COL19A1: variants seen among roughly 807,000 people sequenced by gnomAD.
The protein encoded by COL19A1 is collagen alpha-1(XIX) chain.
COL19A1 carries 159 observed loss-of-function variants against 190.2 expected under a neutral mutation model. The observed-to-expected ratio is 0.84, with a 90% CI of 0.73 to 0.95. The LOEUF (loss-of-function observed/expected upper bound fraction) is 0.95. COL19A1 is among the 40% of genes least tolerant of loss of function. The pLI is 0.00. For synonymous variants in COL19A1, 509 were observed against 458.9 expected (o/e 1.11, Z -1.39); for missense variants, 1,418 against 1,431.9 (o/e 0.99, Z 0.16).
chr6:70,090,517 C>T (rs1164212367), intron 15 of COL19A1, among the ~76,000 whole-genome samples: 1 of 152,036 alleles, frequency 6.6e-6, no homozygotes, highest in African/African-American at 2.4e-5. Flanking sequence ...TGGTATTGGA[C>T]AGTGGGGATC....
Position 69,877,965 on chromosome 6 carries a change from C to T in COL19A1, c.-32-1571C>T, listed in dbSNP as rs1344843834. Among the ~76,000 whole-genome samples the T allele has an allele frequency of 5.9e-5, 9 of 151,936 alleles. No homozygotes were observed. In the South Asian group the frequency reaches 6.2e-4, roughly 11 times the overall value. ...AGTGGAGGTTGCAGTGAGCCGAGAT[C>T]GCGCCACTGCACTCTAGCCTGGGCT... On this transcript the variant is annotated intron_variant, in intron 1 of 50. Coordinates refer to ENST00000620364, the MANE Select transcript of COL19A1 (RefSeq NM_001858.6).
At chr6:69,981,296 T>C (rs1468528813) in intron 11 of COL19A1, among the ~76,000 whole-genome samples, 3 of 152,172 alleles carry the variant, frequency 2.0e-5, no homozygotes, top group Non-Finnish European at 1.5e-5. Flanking sequence ...TTATGGAACA[T>C]CTATATCATA....
chr6:69,939,001 C>T (rs188674947), intron 9 of COL19A1, among the ~76,000 whole-genome samples: 55 of 152,214 alleles, frequency 3.6e-4, no homozygotes, highest in Admixed American at 3.0e-3. Flanking sequence ...TTGCTCCCCC[C>T]GCTTTAAAAA....
chr6:70,053,000 A>G (rs1780291455), intron 14 of COL19A1, among the ~76,000 whole-genome samples: 1 of 152,224 alleles, frequency 6.6e-6, no homozygotes, highest in Non-Finnish European at 1.5e-5. Flanking sequence ...ACTAGCAGGT[A>G]TGCAATACAT....
At chr6:69,959,960 A>G (rs201581917) in intron 9 of COL19A1, 36 bp from the exon 10 acceptor site, 2 of 1,597,334 alleles carry the variant, frequency 1.3e-6, no homozygotes, top group South Asian at 1.1e-5. Context: ...ATATATCTTT[A>G]TGGATCATAA....
intron 31 of COL19A1, among the ~76,000 whole-genome samples, chr6:70,153,246 T>A (rs1787188398): frequency 6.6e-6 from 1 of 152,266 alleles, no homozygotes; most frequent in African/African-American, 2.4e-5. Flanking sequence ...GTTAACACTA[T>A]CTCTCTCTGC....
intron 11 of COL19A1, among the ~76,000 whole-genome samples, chr6:69,998,443 G>A (rs377482178): frequency 1.3e-5 from 2 of 151,676 alleles, no homozygotes; most frequent in Admixed American, 6.6e-5. Flanking sequence ...TCAGGAGTTC[G>A]AGACCAGCCT....
At chr6:69,887,620 C>T (rs1410526042) in intron 2 of COL19A1, among the ~76,000 whole-genome samples, 4 of 152,148 alleles carry the variant, frequency 2.6e-5, no homozygotes, top group East Asian at 1.9e-4. Context: ...TCTAGAATTT[C>T]GTATAAATGG....
At chr6:70,079,795 G>A (rs1445867702) in intron 15 of COL19A1, among the ~76,000 whole-genome samples, 3 of 152,170 alleles carry the variant, frequency 2.0e-5, no homozygotes, top group Admixed American at 1.3e-4. Context: ...AAAAGCTGAG[G>A]TGTAAAGAGA....
rs73480059 is a variant in COL19A1 at position 69,918,289 on chromosome 6, G to C, written c.267-9620G>C. Among the ~76,000 whole-genome samples, 1,254 of 152,284 alleles carry C rather than the reference G, an allele frequency of 8.2e-3. 18 individuals are homozygous for C. The highest frequency in any genetic ancestry group is 0.026 in the African/African-American group (1,079 of 41,566). On this transcript the variant is annotated intron_variant, in intron 4 of 50. Coordinates refer to ENST00000620364, the MANE Select transcript of COL19A1 (RefSeq NM_001858.6). ...GACTGTAAGGAAAGGCAAAGAAGGA[G>C]GACAATCAGGACACTATAACAGGAG... is the stretch of plus-strand genomic sequence containing the variant.
At chr6:70,041,925 G>A (rs542546233) in intron 14 of COL19A1, among the ~76,000 whole-genome samples, 5 of 151,934 alleles carry the variant, frequency 3.3e-5, no homozygotes, top group Non-Finnish European at 7.4e-5. Context: ...AAAAATAGCC[G>A]GATTTGGTGA....
At chr6:69,920,347 G>T (rs531423163) in intron 4 of COL19A1, among the ~76,000 whole-genome samples, 1 of 152,256 alleles carries the variant, frequency 6.6e-6, no homozygotes, top group Admixed American at 6.5e-5. Context: ...TCCATTTTAT[G>T]ATTAAACAGG....
At position 70,206,895 on chromosome 6, in the gene COL19A1, A is replaced by T. The variant is rs912655252; in HGVS notation, c.3224-6A>T. 2.5e-6 allele frequency: 4 copies of T among 1,611,820 alleles called. No homozygotes were observed. Among genetic ancestry groups the T allele is most frequent in the Non-Finnish European group, 2.5e-6 (3 of 1,179,196 alleles). ...TGTGTCTCTTTTTTATATATTTCTCACTTAGGCTACAGAGGACAGAAGGGA... is the reference window on the plus strand; with the variant it reads ...TGTGTCTCTTTTTTATATATTTCTCTCTTAGGCTACAGAGGACAGAAGGGA... On this transcript the variant is annotated splice_region_variant and splice_polypyrimidine_tract_variant and intron_variant, in intron 49 of 50. Coordinates refer to ENST00000620364, the MANE Select transcript of COL19A1 (RefSeq NM_001858.6).
At position 69,980,202 on chromosome 6, in the gene COL19A1, A is replaced by G. The variant is rs903967377; in HGVS notation, c.1026+17332A>G. Among the ~76,000 whole-genome samples, 12 of 152,208 alleles carry G rather than the reference A, an allele frequency of 7.9e-5. 1 individual carries two copies. The highest frequency in any genetic ancestry group is 2.6e-4 in the African/African-American group (11 of 41,570). ...CATTCTATAATGTCATAGTAACAAAATAAATATTGCATCATGTAGAATAAA... is the reference window on the plus strand; with the variant it reads ...CATTCTATAATGTCATAGTAACAAAGTAAATATTGCATCATGTAGAATAAA... On this transcript the variant is annotated intron_variant, in intron 11 of 50. Transcript: ENST00000620364.
intron 15 of COL19A1, among the ~76,000 whole-genome samples, chr6:70,088,546 T>C (rs756964467): frequency 2.6e-5 from 4 of 152,150 alleles, no homozygotes; most frequent in African/African-American, 9.7e-5. Flanking sequence ...TATGCCAAAA[T>C]AGAAATATTG....
At chr6:69,899,480 A>G (rs931128275) in intron 3 of COL19A1, among the ~76,000 whole-genome samples, 1 of 152,156 alleles carries the variant, frequency 6.6e-6, no homozygotes, top group African/African-American at 2.4e-5. Context: ...GATGATGTAG[A>G]AAAAATTCCG....
At chr6:69,978,347 A>G (rs2150062553) in intron 11 of COL19A1, among the ~76,000 whole-genome samples, 1 of 152,274 alleles carries the variant, frequency 6.6e-6, no homozygotes, top group Non-Finnish European at 1.5e-5. Context: ...TTATACGTTC[A>G]TGGAACAGTT....
At chr6:70,080,354 A>T (rs1782174011) in intron 15 of COL19A1, among the ~76,000 whole-genome samples, 2 of 152,212 alleles carry the variant, frequency 1.3e-5, no homozygotes, top group South Asian at 4.1e-4. Flanking sequence ...AGGCCTTGGG[A>T]TAAGAAAAAG....
chr6:69,985,739 T>C (rs1360638938), intron 11 of COL19A1, among the ~76,000 whole-genome samples: 1 of 152,106 alleles, frequency 6.6e-6, no homozygotes, highest in Non-Finnish European at 1.5e-5. Flanking sequence ...CTCCTGAGAG[T>C]CTTTGAAAGT....
Sources: allele counts gnomAD v4.1 joint callset (sites outside exome capture counted in the v4.1 genomes callset), GRCh38; gene constraint gnomAD v4.1.1; transcripts MANE v1.5; gene names NCBI Gene and HGNC (gene_info 2026-07-23, HGNC 2026-07-21).